ADAMTS6: variants seen among roughly 807,000 people sequenced by gnomAD.
The protein encoded by ADAMTS6 is ADAM metallopeptidase with thrombospondin type 1 motif 6.
A neutral mutation model predicts 144.3 loss-of-function variants in ADAMTS6; 23 were observed. The ratio of observed to expected loss-of-function variants is 0.16; its 90% CI spans 0.11 to 0.23. The LOEUF (loss-of-function observed/expected upper bound fraction) is 0.23, where lower values mean the gene tolerates loss of function less well. ADAMTS6 is among the 10% of genes least tolerant of loss of function. The pLI is 1.00. For synonymous variants in ADAMTS6, 444 were observed against 457.5 expected (o/e 0.97, Z 0.38); for missense variants, 999 against 1,379.6 (o/e 0.72, Z 4.37).
intron 7 of ADAMTS6, among the ~76,000 whole-genome samples, chr5:65,389,588 A>T (rs1334776953): frequency 4.6e-5 from 7 of 151,762 alleles, no homozygotes. Context: ...GAGTCTGTAC[A>T]TTTCTCTTTT....
At chr5:65,381,793 A>AT (rs1257681829) in intron 7 of ADAMTS6, among the ~76,000 whole-genome samples, 1 of 152,122 alleles carries the variant, frequency 6.6e-6, no homozygotes, top group Non-Finnish European at 1.5e-5. Context: ...AAATGAAACT[A>AT]AAGAAAAGTT....
intron 7 of ADAMTS6, among the ~76,000 whole-genome samples, chr5:65,403,041 C>T (rs1754074011): frequency 6.6e-6 from 1 of 151,974 alleles, no homozygotes. Flanking sequence ...TCAAAGTCAT[C>T]AATAGCTCCA....
At chr5:65,436,691 C>A (rs533565774) in intron 7 of ADAMTS6, among the ~76,000 whole-genome samples, 201 of 113,042 alleles carry the variant, frequency 1.8e-3, no homozygotes, top group South Asian at 3.3e-3. Flanking sequence ...TTAAAAAAAA[C>A]CAAAAAACAA....
intron 11 of ADAMTS6, among the ~76,000 whole-genome samples, chr5:65,275,470 A>G (rs868260637): frequency 6.8e-6 from 1 of 146,108 alleles, no homozygotes; most frequent in African/African-American, 2.8e-5. Flanking sequence ...AAGAAAGAGA[A>G]AGAAAGGGAT....
At chr5:65,175,282 A>G (rs899136942) in intron 22 of ADAMTS6, among the ~76,000 whole-genome samples, 4 of 147,478 alleles carry the variant, frequency 2.7e-5, no homozygotes, top group African/African-American at 5.2e-5. Flanking sequence ...GAGAGAGAGA[A>G]AGAGAGAGGC....
intron 3 of ADAMTS6, among the ~76,000 whole-genome samples, chr5:65,464,279 A>G (rs531783463): frequency 1.3e-3 from 195 of 152,362 alleles, no homozygotes; most frequent in Non-Finnish European, 2.5e-3. Context: ...AATAAAACCA[A>G]TTTAGTAAAA....
chr5:65,371,286 G>T (rs1399456603), intron 7 of ADAMTS6, among the ~76,000 whole-genome samples: 1 of 152,220 alleles, frequency 6.6e-6, no homozygotes, highest in Non-Finnish European at 1.5e-5. Flanking sequence ...ACTTTGACGA[G>T]CTGAGAGAAG....
At position 65,224,534 on chromosome 5, in the gene ADAMTS6, G is replaced by A. The variant is rs145221266; in HGVS notation, c.2192-134C>T. ...TGCATTTTATGAATTATGAAATATG[G>A]GCAAATTACCCTTTGGGTTCATGAA... On this transcript the variant is annotated intron_variant, in intron 17 of 24. Transcript: ENST00000381055. 22 of 742,734 alleles carry A rather than the reference G, an allele frequency of 3.0e-5. 2 individuals are homozygous for A. The African/African-American group carries it at 3.5e-4, about 12-fold the overall frequency. The allele number at this position is 742,734 out of a possible 1,614,324, so 46.0% of individuals were successfully genotyped here. A position where few individuals can be genotyped will look rare whatever the true frequency, so the allele number is the denominator to read the frequency against.
intron 22 of ADAMTS6, among the ~76,000 whole-genome samples, chr5:65,174,187 G>A (rs922522166): frequency 6.6e-6 from 1 of 152,146 alleles, no homozygotes; most frequent in African/African-American, 2.4e-5. Flanking sequence ...ATAGGAGCTC[G>A]GCTGTTGGAG....
chr5:65,441,577 A>C (rs1262283372), intron 7 of ADAMTS6, among the ~76,000 whole-genome samples: 1 of 152,156 alleles, frequency 6.6e-6, no homozygotes, highest in Non-Finnish European at 1.5e-5. Context: ...AATTAATCTA[A>C]TTGATATATA....
chr5:65,259,646 G>A (rs1760995177), intron 14 of ADAMTS6, among the ~76,000 whole-genome samples: 1 of 152,074 alleles, frequency 6.6e-6, no homozygotes, highest in Admixed American at 6.6e-5. Flanking sequence ...TGTGAAGAGA[G>A]GAAATGGATT....
At chr5:65,291,538 C>T in intron 10 of ADAMTS6, 68 bp from the exon 11 acceptor site, 1 of 1,466,474 alleles carries the variant, frequency 6.8e-7, no homozygotes, top group Non-Finnish European at 9.1e-7. Context: ...ATTATGAAAC[C>T]ACGTGTTGAG....
At chr5:65,448,238 A>G (rs77355401) in intron 7 of ADAMTS6, among the ~76,000 whole-genome samples, 4,315 of 152,188 alleles carry the variant, frequency 0.028, 205 homozygotes, top group African/African-American at 0.097. Context: ...GTCTAGTCAG[A>G]GTGATCTGAT....
intron 7 of ADAMTS6, among the ~76,000 whole-genome samples, chr5:65,437,260 A>T (rs1392562090): frequency 6.6e-6 from 1 of 151,750 alleles, no homozygotes; most frequent in East Asian, 1.9e-4. Flanking sequence ...ACGCCCAGAT[A>T]ATTTTTTGCA....
At chr5:65,288,026 A>C (rs1741863562) in intron 11 of ADAMTS6, among the ~76,000 whole-genome samples, 3 of 152,238 alleles carry the variant, frequency 2.0e-5, no homozygotes. Flanking sequence ...ATTTAAGAAC[A>C]CTTGAAAAAT....
chr5:65,351,376 A>G (rs1748828143), intron 7 of ADAMTS6, among the ~76,000 whole-genome samples: 1 of 150,264 alleles, frequency 6.7e-6, no homozygotes, highest in Non-Finnish European at 1.5e-5. Flanking sequence ...TGTTTTTAAA[A>G]CTTCACAAAG....
chr5:65,474,987 C>T (rs923382555), intron 1 of ADAMTS6, among the ~76,000 whole-genome samples: 4 of 151,648 alleles, frequency 2.6e-5, no homozygotes, highest in East Asian at 1.9e-4. Flanking sequence ...AAGATAAATG[C>T]GTTTAATAAG....
intron 4 of ADAMTS6, among the ~76,000 whole-genome samples, chr5:65,457,396 A>C (rs943730882): frequency 6.6e-6 from 1 of 152,222 alleles, no homozygotes; most frequent in African/African-American, 2.4e-5. Context: ...AAATTCTCAC[A>C]GTAATCCAAA....
At chr5:65,467,957 A>G (rs1760148304) in intron 3 of ADAMTS6, among the ~76,000 whole-genome samples, 1 of 152,208 alleles carries the variant, frequency 6.6e-6, no homozygotes, top group African/African-American at 2.4e-5. Flanking sequence ...TATTTCAAGC[A>G]ATAGATAAAA....
Sources: allele counts gnomAD v4.1 joint callset (sites outside exome capture counted in the v4.1 genomes callset), GRCh38; gene constraint gnomAD v4.1.1; transcripts MANE v1.5; gene names NCBI Gene and HGNC (gene_info 2026-07-23, HGNC 2026-07-21).